The following SPINK7 variants were observed in gnomAD, a reference collection of about 807,000 sequenced individuals.
SPINK7 encodes serine peptidase inhibitor Kazal type 7.
In SPINK7, 8 loss-of-function variants were observed where a neutral mutation model predicts 11.6. The ratio of observed to expected loss-of-function variants is 0.69; its 90% CI spans 0.41 to 1.25. SPINK7 has a LOEUF of 1.25. SPINK7 is among the 50% of genes most tolerant of loss of function. The pLI is 0.01. For synonymous variants in SPINK7, 38 were observed against 35.3 expected (o/e 1.08, Z -0.27); for missense variants, 113 against 99.3 (o/e 1.14, Z -0.58).
intron 1 of SPINK7, among the ~76,000 whole-genome samples, chr5:148,313,125 G>C (rs1756881780): frequency 6.6e-6 from 1 of 151,914 alleles, no homozygotes; most frequent in Admixed American, 6.6e-5. Flanking sequence ...ATGAGGTTCA[G>C]AAAACATTCC....
intron 2 of SPINK7, 189 bp from the exon 3 acceptor site, chr5:148,313,911 A>C (rs1035613613): frequency 6.2e-5 from 41 of 660,538 alleles, no homozygotes; most frequent in Non-Finnish European, 1.0e-4. Context: ...TTGTTAACTG[A>C]GTGTAGCAGA....
intron 3 of SPINK7, 77 bp from the exon 4 acceptor site, chr5:148,315,562 A>C: frequency 1.2e-6 from 1 of 859,956 alleles, no homozygotes. Flanking sequence ...CATAATCTCT[A>C]TAGTTCCTTT....
Position 148,315,731 on chromosome 5 carries a change from C to CATA in SPINK7, c.*47_*48insATA. The CATA allele has an allele frequency of 8.6e-7, 1 of 1,165,110 alleles. No homozygotes were observed. The highest frequency in any genetic ancestry group is 1.3e-6 in the Non-Finnish European group (1 of 773,382). 72.2% of individuals were successfully genotyped at this position (1,165,110 alleles called of 1,614,324 possible). ...AAAGGAATGATATTCTCATCATCAT[C>CATA]TTCATCATCCCAGGCTCTGACTGAG... On this transcript the variant is annotated 3_prime_UTR_variant, in exon 4 of 4. Transcript: ENST00000274565.
chr5:148,315,576 C>A, intron 3 of SPINK7, 63 bp from the exon 4 acceptor site: 1 of 987,716 alleles, frequency 1.0e-6, no homozygotes. Flanking sequence ...TTCCTTTCAG[C>A]TCTAACATTA....
At chr5:148,314,461 A>C (rs1756904379) in intron 3 of SPINK7, 2 of 553,456 alleles carry the variant, frequency 3.6e-6, no homozygotes, top group Non-Finnish European at 6.4e-6. Context: ...CCTGTCTGTC[A>C]ATTGTGAGAA....
At chr5:148,313,325 T>C (rs1369134091) in intron 1 of SPINK7, 49 bp from the exon 2 acceptor site, 7 of 1,487,860 alleles carry the variant, frequency 4.7e-6, no homozygotes, top group Non-Finnish European at 5.6e-6. Flanking sequence ...ATTAATGAGA[T>C]TTAAAGTTTG....
chr5:148,312,445 C>T lies in SPINK7; in HGVS notation c.-39C>T. On this transcript the variant is annotated 5_prime_UTR_variant, in exon 1 of 4. Coordinates refer to ENST00000274565, the MANE Select transcript of SPINK7 (RefSeq NM_032566.3). ...GATATGGTCGATGCAGCTGTAGTGA[C>T]AATCTCAGAGCAGCTTCTACACCAC... The T allele has an allele frequency of 7.1e-7, 1 of 1,411,814 alleles. No homozygotes were observed. The highest frequency in any genetic ancestry group is 1.0e-6 in the Non-Finnish European group (1 of 995,890). 87.5% of individuals were successfully genotyped at this position (1,411,814 alleles called of 1,614,324 possible). A position where few individuals can be genotyped will look rare whatever the true frequency, so the allele number is the denominator to read the frequency against.
chr5:148,313,970 AG>A lies in SPINK7; in HGVS notation c.88-129del, dbSNP rs1377041242. 5 of 1,065,386 alleles carry A rather than the reference AG, an allele frequency of 4.7e-6. No individual in the cohort carries two copies. In the African/African-American group the frequency reaches 6.3e-5, roughly 13 times the overall value. The allele number at this position is 1,065,386 out of a possible 1,614,324, so 66.0% of individuals were successfully genotyped here. On this transcript the variant is annotated intron_variant, in intron 2 of 3. Transcript: ENST00000274565. ...TAGTATTTGTCATAGTGATAACACTAGTACTTAAAGAAGTGGCCAAGCAACA... is the reference window on the plus strand; with the variant it reads ...TAGTATTTGTCATAGTGATAACACTATACTTAAAGAAGTGGCCAAGCAACA...
In SPINK7 at chr5:148,315,702, A is replaced by G. The variant is rs768958114; in HGVS notation, c.*18A>G. The G allele has an allele frequency of 1.4e-6, 2 of 1,479,034 alleles. No individual in the cohort carries two copies. Among genetic ancestry groups the G allele is most frequent in the Non-Finnish European group, 1.9e-6 (2 of 1,061,234 alleles). The allele number at this position is 1,479,034 out of a possible 1,614,324, so 91.6% of individuals were successfully genotyped here. ...GTTGCTAAATTCTCCATGGACATAG[A>G]GAGAAAGGAATGATATTCTCATCAT... is the stretch of plus-strand genomic sequence containing the variant. On this transcript the variant is annotated 3_prime_UTR_variant, in exon 4 of 4. Coordinates refer to ENST00000274565, the MANE Select transcript of SPINK7 (RefSeq NM_032566.3).
Position 148,315,725 on chromosome 5 carries a change from C to CATG in SPINK7, c.*43_*44insGAT, listed in dbSNP as rs957386841. On this transcript the variant is annotated 3_prime_UTR_variant, in exon 4 of 4. Transcript: ENST00000274565. Reference sequence around the variant, plus strand: ...AGAGAGAAAGGAATGATATTCTCATCATCATCTTCATCATCCCAGGCTCTG... The same window carrying CATG: ...AGAGAGAAAGGAATGATATTCTCATCATGATCATCTTCATCATCCCAGGCTCTG... 1.2e-5 allele frequency: 14 copies of CATG among 1,162,950 alleles called. No individual in the cohort carries two copies. Among genetic ancestry groups the CATG allele is most frequent in the Non-Finnish European group, 1.8e-5 (14 of 771,290 alleles). 72.0% of individuals were successfully genotyped at this position (1,162,950 alleles called of 1,614,324 possible).
intron 3 of SPINK7, chr5:148,314,554 T>C (rs1486123615): frequency 9.7e-6 from 3 of 309,710 alleles, no homozygotes; most frequent in Non-Finnish European, 1.8e-5. Context: ...ACCATTAGGG[T>C]TAAAGGGACT....
rs753817879 is a variant in SPINK7, at chr5:148,314,101, T to C, written c.89T>C (p.Val30Ala). 6.2e-7 allele frequency: 1 copy of C among 1,613,726 alleles called. No homozygotes were observed. The highest frequency in any genetic ancestry group is 8.5e-7 in the Non-Finnish European group (1 of 1,179,770). Reference sequence around the variant, plus strand: ...GACATTTGCTTGTATATGACACAGGTGGACTGCAGCATTTACAAGAAGTAT... The same window carrying C: ...GACATTTGCTTGTATATGACACAGGCGGACTGCAGCATTTACAAGAAGTAT... ...SEAASLSPKK[V>A]DCSIYKKYPV... The change falls in exon 3 of 4, where the codon GTG (valine) becomes GCG (alanine). Residue 30 changes from valine (V) to alanine (A), a missense_variant and splice_region_variant. Transcript: ENST00000274565.
In SPINK7 at chr5:148,312,776, A is replaced by C. The variant is rs1442247447; in HGVS notation, c.61+232A>C. Among the ~76,000 whole-genome samples, 3 of 152,056 alleles carry C rather than the reference A, an allele frequency of 2.0e-5. 1 individual carries two copies. The highest frequency in any genetic ancestry group is 4.8e-5 in the African/African-American group (2 of 41,406). ...CAAAAAATGATCTAATTTCTCTGTA[A>C]GTCTTCCATTTCTATGTTCATATGG... On this transcript the variant is annotated intron_variant, in intron 1 of 3. Coordinates refer to ENST00000274565, the MANE Select transcript of SPINK7 (RefSeq NM_032566.3).
intron 3 of SPINK7, chr5:148,314,569 G>A (rs1023994291): frequency 3.8e-6 from 1 of 263,566 alleles, no homozygotes; most frequent in Non-Finnish European, 7.2e-6. Context: ...GGGACTATTT[G>A]GGGTAGTTGA....
chr5:148,312,500 G>A lies in SPINK7; in HGVS notation c.17G>A (p.Gly6Asp), dbSNP rs1223724109. 6.2e-7 allele frequency: 1 copy of A among 1,612,054 alleles called. No homozygotes were observed. The highest frequency in any genetic ancestry group is 2.2e-5 in the East Asian group (1 of 44,856). Residue 6 changes from glycine (G) to aspartate (D), a missense_variant, in exon 1 of 4, where the codon GGT becomes GAT. Coordinates refer to ENST00000274565, the MANE Select transcript of SPINK7 (RefSeq NM_032566.3). The stretch of plus-strand genomic sequence containing the variant: ...ATTTCCAGCATGAAGATCACTGGGG[G>A]TCTCCTTCTGCTCTGTACAGTGGTC... MKITGGLLLLCTVVYF... is the reference protein window; with the variant it reads MKITGDLLLLCTVVYF...
chr5:148,313,693 C>A, intron 2 of SPINK7: 1 of 394,350 alleles, frequency 2.5e-6, no homozygotes, highest in South Asian at 6.6e-5. Context: ...GCAAAAGTAC[C>A]CTGATAAATT....
chr5:148,313,171 T>C (rs1581178456), intron 1 of SPINK7, among the ~76,000 whole-genome samples: 1 of 152,144 alleles, frequency 6.6e-6, no homozygotes, highest in Non-Finnish European at 1.5e-5. Flanking sequence ...TATAATTCTC[T>C]TACCTAAACC....
chr5:148,313,714 T>C, intron 2 of SPINK7: 1 of 403,250 alleles, frequency 2.5e-6, no homozygotes. Flanking sequence ...GCACAGGCTC[T>C]AGATTCAAAT....
intron 2 of SPINK7, 177 bp downstream of exon 2, chr5:148,313,576 A>G: frequency 2.3e-6 from 1 of 434,266 alleles, no homozygotes; most frequent in South Asian, 5.8e-5. Flanking sequence ...AAACAACCAT[A>G]TTTTAAAAAT....
Sources: gnomAD v4.1 joint callset for allele counts (sites outside exome capture counted in the v4.1 genomes callset) on GRCh38, gnomAD v4.1.1 for gene constraint, MANE v1.5 for transcripts, NCBI Gene and HGNC (gene_info 2026-07-23, HGNC 2026-07-21) for gene names.